The following MYOZ2 variants were observed in gnomAD, a reference collection of about 807,000 sequenced individuals.
MYOZ2 encodes the protein myozenin 2.
MYOZ2 carries 19 observed loss-of-function variants against 25.4 expected under a neutral mutation model. That is an observed-to-expected ratio of 0.75 (90% CI 0.52 to 1.10). MYOZ2 has a LOEUF of 1.10. MYOZ2 is among the 50% of genes least tolerant of loss of function. The probability of loss-of-function intolerance (pLI) is 0.00; values close to 1 mark genes in which losing one functional copy is unlikely to be tolerated. For missense variants in MYOZ2, 270 were observed against 317.9 expected, an observed-to-expected ratio of 0.85 and a Z score of 1.15; for synonymous variants, 92 against 106.9, an observed-to-expected ratio of 0.86 and a Z score of 0.86.
chr4:119,154,287 G>C (rs1435381143), intron 3 of MYOZ2, among the ~76,000 whole-genome samples: 2 of 152,104 alleles, frequency 1.3e-5, no homozygotes, highest in Non-Finnish European at 2.9e-5. Context: ...ATAGGATATG[G>C]CTCTAGTTTT....
chr4:119,150,275 ATGAG>A (rs1179686124), intron 2 of MYOZ2, among the ~76,000 whole-genome samples: 1 of 152,226 alleles, frequency 6.6e-6, no homozygotes, highest in Non-Finnish European at 1.5e-5. Context: ...TAGAGAATGA[ATGAG>A]TAATTATGAA....
intron 4 of MYOZ2, among the ~76,000 whole-genome samples, chr4:119,158,415 GT>G (rs912631338): frequency 6.6e-6 from 1 of 151,960 alleles, no homozygotes; most frequent in Non-Finnish European, 1.5e-5. Context: ...ATTTAGCTGG[GT>G]ATGGTGGTGC....
chr4:119,182,968 A>G (rs1742215876), intron 5 of MYOZ2, among the ~76,000 whole-genome samples: 1 of 152,204 alleles, frequency 6.6e-6, no homozygotes, highest in Non-Finnish European at 1.5e-5. Flanking sequence ...ATACATATTT[A>G]TGTTTTAATT....
At chr4:119,168,713 A>AAC (rs1447385114) in intron 5 of MYOZ2, among the ~76,000 whole-genome samples, 1 of 146,882 alleles carries the variant, frequency 6.8e-6, no homozygotes, top group African/African-American at 2.7e-5. Flanking sequence ...ACAACAACAA[A>AAC]AAACCACCTG....
chr4:119,168,883 A>G (rs573358620), intron 5 of MYOZ2, among the ~76,000 whole-genome samples: 3 of 152,300 alleles, frequency 2.0e-5, no homozygotes, highest in African/African-American at 7.2e-5. Flanking sequence ...ATTGGAGAGG[A>G]TTGACTCCAA....
At chr4:119,141,150 A>C (rs1235840233) in intron 2 of MYOZ2, among the ~76,000 whole-genome samples, 1 of 152,220 alleles carries the variant, frequency 6.6e-6, no homozygotes, top group African/African-American at 2.4e-5. Flanking sequence ...TTCTGTGCAA[A>C]TGCAGATAAT....
intron 5 of MYOZ2, among the ~76,000 whole-genome samples, chr4:119,166,182 C>A (rs1741820021): frequency 2.0e-5 from 3 of 152,220 alleles, no homozygotes; most frequent in South Asian, 4.1e-4. Context: ...TCTTAGACTT[C>A]TTATTATTAA....
At chr4:119,170,002 G>A (rs1414207506) in intron 5 of MYOZ2, among the ~76,000 whole-genome samples, 1 of 151,966 alleles carries the variant, frequency 6.6e-6, no homozygotes, top group Admixed American at 6.6e-5. Flanking sequence ...TTGTCATGGT[G>A]GTGGTGATAT....
intron 5 of MYOZ2, among the ~76,000 whole-genome samples, chr4:119,175,739 G>A (rs1184004611): frequency 6.8e-6 from 1 of 148,072 alleles, no homozygotes; most frequent in Non-Finnish European, 1.5e-5. Flanking sequence ...GTGACAGCGT[G>A]AGGCTCCATC....
At chr4:119,139,214 C>T (rs1013751424) in intron 2 of MYOZ2, among the ~76,000 whole-genome samples, 1 of 152,262 alleles carries the variant, frequency 6.6e-6, no homozygotes, top group South Asian at 2.1e-4. Flanking sequence ...GATTTACCTT[C>T]CTCATTATAT....
intron 3 of MYOZ2, 51 bp from the exon 4 acceptor site, chr4:119,157,971 T>C (rs201679064): frequency 6.2e-6 from 10 of 1,603,594 alleles, no homozygotes; most frequent in Admixed American, 1.7e-5. Context: ...CTCCTATTAT[T>C]GTGCTTACAT....
chr4:119,144,220 A>G (rs928849332), intron 2 of MYOZ2, among the ~76,000 whole-genome samples: 3 of 152,182 alleles, frequency 2.0e-5, no homozygotes, highest in African/African-American at 7.2e-5. Flanking sequence ...ATCATACAGC[A>G]TATAACCTTT....
chr4:119,169,278 A>C (rs1221252128), intron 5 of MYOZ2, among the ~76,000 whole-genome samples: 1 of 152,232 alleles, frequency 6.6e-6, no homozygotes, highest in Non-Finnish European at 1.5e-5. Flanking sequence ...CTGGGAAATA[A>C]AAAATTTCAT....
At chr4:119,171,196 T>A (rs968505511) in intron 5 of MYOZ2, among the ~76,000 whole-genome samples, 1 of 152,092 alleles carries the variant, frequency 6.6e-6, no homozygotes, top group Non-Finnish European at 1.5e-5. Flanking sequence ...AAAATAAAGA[T>A]GTCATTATTC....
intron 5 of MYOZ2, among the ~76,000 whole-genome samples, chr4:119,183,619 A>G (rs1353448688): frequency 1.3e-5 from 2 of 152,146 alleles, no homozygotes; most frequent in Admixed American, 6.5e-5. Flanking sequence ...CTAAAACTCT[A>G]AAGGTAGGAG....
chr4:119,179,389 G>A (rs1742142171), intron 5 of MYOZ2, among the ~76,000 whole-genome samples: 2 of 152,144 alleles, frequency 1.3e-5, no homozygotes, highest in Admixed American at 1.3e-4. Context: ...AGCACTTCCT[G>A]AAAATTTATT....
At chr4:119,150,162 T>C (rs1010873870) in intron 2 of MYOZ2, among the ~76,000 whole-genome samples, 4 of 152,158 alleles carry the variant, frequency 2.6e-5, no homozygotes, top group Middle Eastern at 3.2e-3. Flanking sequence ...ATATCTGATA[T>C]ATTTAAGGTA....
In MYOZ2 at chr4:119,138,722, A is replaced by T. The variant is rs995657560; in HGVS notation, c.76+2121A>T. Among the ~76,000 whole-genome samples, 7 of 152,060 alleles carry T rather than the reference A, an allele frequency of 4.6e-5. No individual in the cohort carries two copies. In the East Asian group the frequency reaches 1.4e-3, roughly 29 times the overall value. ...CTCTCCTTTCCCCTTGTGCATCAGAATTTTTTTTCAGCCTCATAACTCATT... is the reference window on the plus strand; with the variant it reads ...CTCTCCTTTCCCCTTGTGCATCAGATTTTTTTTTCAGCCTCATAACTCATT... On this transcript the variant is annotated intron_variant, in intron 2 of 5. Coordinates refer to ENST00000307128, the MANE Select transcript of MYOZ2 (RefSeq NM_016599.5).
chr4:119,175,042 A>C (rs1402166285), intron 5 of MYOZ2, among the ~76,000 whole-genome samples: 3 of 152,042 alleles, frequency 2.0e-5, no homozygotes, highest in Non-Finnish European at 2.9e-5. Context: ...CGAACATCAG[A>C]AGGAACAAAC....
Sources: gnomAD v4.1 joint callset for allele counts (sites outside exome capture counted in the v4.1 genomes callset) on GRCh38, gnomAD v4.1.1 for gene constraint, MANE v1.5 for transcripts, NCBI Gene and HGNC (gene_info 2026-07-23, HGNC 2026-07-21) for gene names.